MTMR8: variants seen among roughly 807,000 people sequenced by gnomAD.
MTMR8 encodes the protein phosphatidylinositol-3,5-bisphosphate 3-phosphatase MTMR8.
Under a neutral mutation model 39.3 loss-of-function variants are expected in MTMR8, and 65 were observed. The observed-to-expected ratio is 1.65, with a 90% CI of 1.35 to 2.03. MTMR8 has a LOEUF of 2.03. Ranked by LOEUF, MTMR8 falls within the 30% of genes most tolerant of loss-of-function variation. MTMR8 has a pLI of 0.00. For missense variants in MTMR8, 777 were observed against 538.9 expected (o/e 1.44, Z -4.37); for synonymous variants, 245 against 185.2 (o/e 1.32, Z -2.62).
intron 1 of MTMR8, among the ~76,000 whole-genome samples, chrX:64,372,704 C>G (rs962459010): frequency 1.8e-5 from 2 of 111,468 alleles, no homozygotes; most frequent in Non-Finnish European, 3.8e-5. Context: ...ATGGATATAT[C>G]ATAAGTTATC....
intron 12 of MTMR8, among the ~76,000 whole-genome samples, chrX:64,274,743 C>T (rs1030475229): frequency 1.8e-5 from 2 of 112,149 alleles, no homozygotes; most frequent in East Asian, 5.6e-4. Flanking sequence ...GAAATAAATG[C>T]TGTCATTTGT....
At chrX:64,331,878 T>C (rs1177561206) in intron 10 of MTMR8, 121 bp from the exon 11 acceptor site, 1 of 568,393 alleles carries the variant, frequency 1.8e-6, no homozygotes, top group African/African-American at 2.3e-5. Context: ...AAACACCTCA[T>C]ACCAAAATGC....
At position 64,334,570 on chromosome X, in the gene MTMR8, TAA is replaced by T. The variant is rs537003359; in HGVS notation, c.1151+1507_1151+1508del. ...CACAAAACACTCAAATCTTTCAGCT[TAA>T]AAAAAAAAAAAAAAAAAAAAAAACA... is the stretch of plus-strand genomic sequence containing the variant. On this transcript the variant is annotated intron_variant, in intron 10 of 13. Transcript: ENST00000374852. Among the ~76,000 whole-genome samples, 368 of 69,308 alleles carry T rather than the reference TAA, an allele frequency of 5.3e-3. 2 individuals are homozygous for T. The highest frequency in any genetic ancestry group is 0.016 in the African/African-American group (352 of 21,361). 60.2% of individuals were successfully genotyped at this position (69,308 alleles called of 115,157 possible).
In MTMR8 at chrX:64,296,934, T is replaced by C. The variant is rs1456041222; in HGVS notation, c.1482-25861A>G. 2.9e-5 allele frequency among the ~76,000 whole-genome samples: 3 copies of C among 103,686 alleles called. No individual in the cohort carries two copies. In the East Asian group the frequency reaches 9.1e-4, roughly 32 times the overall value. The allele number at this position is 103,686 out of a possible 115,157, so 90.0% of individuals were successfully genotyped here. A position where few individuals can be genotyped will look rare whatever the true frequency, so the allele number is the denominator to read the frequency against. On this transcript the variant is annotated intron_variant, in intron 12 of 13. Coordinates refer to ENST00000374852, the MANE Select transcript of MTMR8 (RefSeq NM_017677.4). Reference sequence around the variant, plus strand: ...CTCATCATTTTTTATGGCTGCATAATATTCCATGGTGTATATGTGCCACAT... The same window carrying C: ...CTCATCATTTTTTATGGCTGCATAACATTCCATGGTGTATATGTGCCACAT...
At chrX:64,287,497 C>T (rs1277975523) in intron 12 of MTMR8, among the ~76,000 whole-genome samples, 6 of 110,966 alleles carry the variant, frequency 5.4e-5, no homozygotes, top group Admixed American at 1.9e-4. Flanking sequence ...AAAAAGAGCC[C>T]GCATTGCCAA....
At chrX:64,356,123 C>T in intron 3 of MTMR8, 53 bp downstream of exon 3, 2 of 1,128,735 alleles carry the variant, frequency 1.8e-6, no homozygotes, top group African/African-American at 1.8e-5. Context: ...TTCCATTATG[C>T]CATTTTGGAA....
At chrX:64,276,778 T>G (rs1261285717) in intron 12 of MTMR8, among the ~76,000 whole-genome samples, 1 of 111,926 alleles carries the variant, frequency 8.9e-6, no homozygotes, top group Non-Finnish European at 1.9e-5. Flanking sequence ...TGGAGAGTTC[T>G]GTAGATGTCT....
chrX:64,340,419 G>T (rs1337023504), intron 8 of MTMR8, among the ~76,000 whole-genome samples: 1 of 111,063 alleles, frequency 9.0e-6, no homozygotes, highest in East Asian at 2.8e-4. Flanking sequence ...TTAATGGAGG[G>T]GGAAGAGTAA....
At chrX:64,300,482 G>C (rs1208342641) in intron 12 of MTMR8, among the ~76,000 whole-genome samples, 5 of 110,158 alleles carry the variant, frequency 4.5e-5, no homozygotes, top group African/African-American at 1.3e-4. Flanking sequence ...CTGCACATGA[G>C]ATGGGTTTCC....
At chrX:64,333,815 T>A (rs1923003322) in intron 10 of MTMR8, among the ~76,000 whole-genome samples, 1 of 111,909 alleles carries the variant, frequency 8.9e-6, no homozygotes, top group Non-Finnish European at 1.9e-5. Flanking sequence ...ACCTGCATAT[T>A]GCCAAAGTCG....
intron 12 of MTMR8, among the ~76,000 whole-genome samples, chrX:64,300,791 G>A (rs1602117142): frequency 9.5e-6 from 1 of 105,584 alleles, no homozygotes; most frequent in Non-Finnish European, 2.0e-5. Context: ...AAATCTCTCA[G>A]CATTTGCTTG....
At chrX:64,284,171 A>T (rs1189831161) in intron 12 of MTMR8, among the ~76,000 whole-genome samples, 1 of 112,438 alleles carries the variant, frequency 8.9e-6, no homozygotes, top group African/African-American at 3.2e-5. Context: ...GAACTATGTG[A>T]CGTACGCACA....
chrX:64,321,868 A>G (rs1018696299), intron 12 of MTMR8, among the ~76,000 whole-genome samples: 2 of 111,716 alleles, frequency 1.8e-5, no homozygotes, highest in Non-Finnish European at 3.8e-5. Context: ...TATCATGAAG[A>G]GATGTTAAAT....
chrX:64,285,814 A>G (rs1209590606), intron 12 of MTMR8, among the ~76,000 whole-genome samples: 7 of 111,437 alleles, frequency 6.3e-5, no homozygotes, highest in Admixed American at 9.5e-5. Flanking sequence ...TCTCTGGGAC[A>G]CATTCAAAGC....
intron 1 of MTMR8, among the ~76,000 whole-genome samples, chrX:64,368,395 T>G (rs898934608): frequency 2.7e-5 from 3 of 111,760 alleles, no homozygotes; most frequent in Non-Finnish European, 5.6e-5. Context: ...AGCATGGTAC[T>G]GGTACCAAAA....
chrX:64,366,715 A>G (rs1348723477), intron 1 of MTMR8, among the ~76,000 whole-genome samples: 2 of 111,710 alleles, frequency 1.8e-5, no homozygotes, highest in East Asian at 2.8e-4. Context: ...GCAAGAGCAA[A>G]CACATTCAAA....
chrX:64,377,452 G>T (rs1273873404), intron 1 of MTMR8, among the ~76,000 whole-genome samples: 2 of 112,675 alleles, frequency 1.8e-5, no homozygotes, highest in African/African-American at 6.4e-5. Flanking sequence ...ACTGTGGCCT[G>T]GATGTGAGAC....
chrX:64,352,897 T>C (rs1481385437), intron 4 of MTMR8, among the ~76,000 whole-genome samples: 5 of 111,606 alleles, frequency 4.5e-5, no homozygotes, highest in Non-Finnish European at 9.4e-5. Flanking sequence ...TATATATATA[T>C]GTTCCTTTCA....
intron 12 of MTMR8, among the ~76,000 whole-genome samples, chrX:64,293,166 A>G (rs1921456448): frequency 1.8e-5 from 2 of 111,444 alleles, no homozygotes; most frequent in Non-Finnish European, 3.8e-5. Flanking sequence ...ATTTCTCAGG[A>G]GGGCGCCTGA....
Sources: allele counts gnomAD v4.1 joint callset (sites outside exome capture counted in the v4.1 genomes callset), GRCh38; gene constraint gnomAD v4.1.1; transcripts MANE v1.5; gene names NCBI Gene and HGNC (gene_info 2026-07-23, HGNC 2026-07-21).